The following ABHD18 variants were observed in gnomAD, a reference collection of about 807,000 sequenced individuals.
The protein encoded by ABHD18 is cardiolipin-specific deacylase, mitochondrial.
In ABHD18, 55 loss-of-function variants were observed where a neutral mutation model predicts 65.9. The observed-to-expected ratio is 0.84, with a 90% CI of 0.67 to 1.05. ABHD18 has a LOEUF of 1.05. ABHD18 is among the 50% of genes least tolerant of loss of function. The pLI is 0.00. For synonymous variants in ABHD18, 181 were observed against 180.2 expected (o/e 1.00, Z -0.04); for missense variants, 533 against 558.5 (o/e 0.95, Z 0.46).
Position 128,009,167 on chromosome 4 carries a change from T to G in ABHD18, c.418T>G (p.Ser140Ala). 1 of 1,517,548 alleles carries G rather than the reference T, an allele frequency of 6.6e-7. No homozygotes were observed. The highest frequency in any genetic ancestry group is 8.7e-7 in the Non-Finnish European group (1 of 1,145,958). The allele number at this position is 1,517,548 out of a possible 1,614,324, so 94.0% of individuals were successfully genotyped here. A position where few individuals can be genotyped will look rare whatever the true frequency, so the allele number is the denominator to read the frequency against. ...RPMIKEARMA[S>A]LLLENPYYGC... ...TATGATTAAAGAAGCCCGAATGGCTTCTTTATTGTTAGAAAACCCTTATTA... is the reference window on the plus strand; with the variant it reads ...TATGATTAAAGAAGCCCGAATGGCTGCTTTATTGTTAGAAAACCCTTATTA... Residue 140 changes from serine (S) to alanine (A), a missense_variant, in exon 6 of 13, where the codon TCT (serine) becomes GCT (alanine). Ser to Ala is a moderately conservative substitution (Grantham distance 99). Around this residue, in one of 3 missense-constraint regions of ABHD18, gnomAD observed 309 missense variants for 313.5 expected, o/e 0.99. Transcript: ENST00000645843.
chr4:127,977,874 G>A (rs962894991), intron 1 of ABHD18, among the ~76,000 whole-genome samples: 2 of 152,030 alleles, frequency 1.3e-5, no homozygotes, highest in Non-Finnish European at 2.9e-5. Flanking sequence ...ATTAGTAGCA[G>A]AATTTGTGTA....
At chr4:128,002,496 T>G (rs1579296711) in intron 4 of ABHD18, among the ~76,000 whole-genome samples, 1 of 151,532 alleles carries the variant, frequency 6.6e-6, no homozygotes, top group African/African-American at 2.4e-5. Context: ...GCCAGGCTGG[T>G]CTTGAATTCC....
At chr4:127,968,204 C>T (rs1052665862) in intron 1 of ABHD18, among the ~76,000 whole-genome samples, 2 of 152,166 alleles carry the variant, frequency 1.3e-5, no homozygotes, top group Non-Finnish European at 2.9e-5. Flanking sequence ...AGCGAGACTC[C>T]GTCTCAAAAA....
At chr4:128,017,217 C>G in intron 7 of ABHD18, 146 bp from the exon 8 acceptor site, 2 of 753,088 alleles carry the variant, frequency 2.7e-6, no homozygotes, top group South Asian at 1.9e-5. Context: ...CACGCCTGGC[C>G]CTAATTCCAA....
chr4:128,021,050 A>AAAT, intron 9 of ABHD18, 87 bp from the exon 10 acceptor site: 1 of 692,504 alleles, frequency 1.4e-6, no homozygotes, highest in Non-Finnish European at 2.3e-6. Context: ...AAAAAAAAAA[A>AAAT]GGTAGTCTCA....
rs1195186123 is a variant in ABHD18 at position 128,028,466 on chromosome 4, T to A, written c.802-9T>A. ...TTAAATAATGTTTTCTTTCCTTTCA[T>A]ATGTTCAGACAGATTCTTTCAAAAT... On this transcript the variant is annotated splice_polypyrimidine_tract_variant and intron_variant, in intron 10 of 12. Coordinates refer to ENST00000645843, the MANE Select transcript of ABHD18 (RefSeq NM_001358451.3). The A allele has an allele frequency of 2.7e-6, 4 of 1,488,644 alleles. No individual in the cohort carries two copies. Among genetic ancestry groups the A allele is most frequent in the Non-Finnish European group, 2.7e-6 (3 of 1,122,810 alleles). 92.2% of individuals were successfully genotyped at this position (1,488,644 alleles called of 1,614,324 possible).
At chr4:128,016,558 T>C (rs1373979907) in intron 7 of ABHD18, among the ~76,000 whole-genome samples, 2 of 152,000 alleles carry the variant, frequency 1.3e-5, no homozygotes, top group Admixed American at 6.6e-5. Flanking sequence ...GCAGATCACT[T>C]GAGCTCAGGA....
chr4:127,988,485 G>A (rs962758170), intron 3 of ABHD18, among the ~76,000 whole-genome samples: 2 of 152,120 alleles, frequency 1.3e-5, no homozygotes, highest in African/African-American at 4.8e-5. Flanking sequence ...GCCCACCTTG[G>A]CCTCCCAGAG....
At chr4:128,033,407 A>G (rs974772237) in intron 12 of ABHD18, among the ~76,000 whole-genome samples, 2 of 152,090 alleles carry the variant, frequency 1.3e-5, no homozygotes, top group Non-Finnish European at 2.9e-5. Context: ...ATGGTTCATT[A>G]TAATTCACAG....
intron 4 of ABHD18, among the ~76,000 whole-genome samples, chr4:127,991,115 C>T (rs918443026): frequency 6.6e-6 from 1 of 152,114 alleles, no homozygotes; most frequent in African/African-American, 2.4e-5. Context: ...CCACCTGCCT[C>T]GCCTCCCAAA....
chr4:127,982,998 C>T lies in ABHD18; in HGVS notation c.43C>T (p.Leu15=), dbSNP rs1208487180. 14 of 1,565,556 alleles carry T rather than the reference C, an allele frequency of 8.9e-6. No individual in the cohort carries two copies. Among genetic ancestry groups the T allele is most frequent in the Non-Finnish European group, 1.1e-5 (13 of 1,153,728 alleles). ...AGATATTCTATACCGGAGACTTCTC[C>T]TAACAAAACTTTTTATCAGAGGATG... ...KLDILYRRLL[L]TKLFIRGWGR... Residue 15 remains leucine (L), a synonymous_variant, in exon 2 of 13, where the codon CTA becomes TTA. Coordinates refer to ENST00000645843, the MANE Select transcript of ABHD18 (RefSeq NM_001358451.3).
intron 12 of ABHD18, among the ~76,000 whole-genome samples, chr4:128,032,883 T>C (rs1758405843): frequency 6.6e-6 from 1 of 152,206 alleles, no homozygotes; most frequent in Non-Finnish European, 1.5e-5. Flanking sequence ...ATTGTAACTT[T>C]TGGCACCAGG....
chr4:128,002,272 CTT>C (rs550629514), intron 4 of ABHD18, among the ~76,000 whole-genome samples: 1 of 144,036 alleles, frequency 6.9e-6, no homozygotes. Flanking sequence ...AAGGCTCCAT[CTT>C]TTTTTTTTTT....
At chr4:128,021,050 A>AAT in intron 9 of ABHD18, 87 bp from the exon 10 acceptor site, 5 of 692,502 alleles carry the variant, frequency 7.2e-6, no homozygotes, top group Non-Finnish European at 1.1e-5. Context: ...AAAAAAAAAA[A>AAT]GGTAGTCTCA....
chr4:128,001,818 G>T, intron 4 of ABHD18: 2 of 1,471,110 alleles, frequency 1.4e-6, no homozygotes, highest in East Asian at 2.7e-5. Flanking sequence ...TATCCTTAGT[G>T]GTTAGATGTT....
At chr4:128,023,274 G>T (rs367552718) in intron 10 of ABHD18, among the ~76,000 whole-genome samples, 1 of 151,752 alleles carries the variant, frequency 6.6e-6, no homozygotes, top group East Asian at 1.9e-4. Flanking sequence ...TTACAAAATA[G>T]CTTTATCGGG....
intron 7 of ABHD18, among the ~76,000 whole-genome samples, chr4:128,012,577 AAGTAAAGCAGGGC>A (rs1754755273): frequency 6.6e-6 from 1 of 152,230 alleles, no homozygotes; most frequent in South Asian, 2.1e-4. Context: ...CCAGTGAATG[AAGTAAAGCAGGGC>A]AATTGTATAA....
chr4:128,028,397 T>C, intron 10 of ABHD18, 78 bp from the exon 11 acceptor site: 1 of 1,132,918 alleles, frequency 8.8e-7, no homozygotes, highest in Admixed American at 3.6e-5. Context: ...ACATTTGTCT[T>C]TTCTCTTTTT....
rs569631198 is a variant in ABHD18, at chr4:128,029,926, G to T, written c.1181-584G>T. On this transcript the variant is annotated intron_variant, in intron 11 of 12. Coordinates refer to ENST00000645843, the MANE Select transcript of ABHD18 (RefSeq NM_001358451.3). ...CCCTTGAGCCCAGGAATTCAAGGTG[G>T]CACTGAGCTATGATTGCACCACTGC... Among the ~76,000 whole-genome samples the T allele has an allele frequency of 3.1e-4, 47 of 152,264 alleles. 1 individual carries two copies. In the South Asian group the frequency reaches 6.6e-3, roughly 21 times the overall value.
Sources: allele counts gnomAD v4.1 joint callset (sites outside exome capture counted in the v4.1 genomes callset), GRCh38; gene constraint gnomAD v4.1.1; regional missense constraint gnomAD v4.1.1; transcripts MANE v1.5; gene names NCBI Gene and HGNC (gene_info 2026-07-23, HGNC 2026-07-21).